The following CDYL variants were observed in gnomAD, a reference collection of about 807,000 sequenced individuals.
CDYL encodes the protein chromodomain Y-like protein.
Under a neutral mutation model 47.3 loss-of-function variants are expected in CDYL, and 8 were observed. That is an observed-to-expected ratio of 0.17 (90% CI 0.10 to 0.31). The LOEUF is 0.31. Among genes scored for constraint, CDYL ranks in the 10% least tolerant of loss-of-function variants. The pLI, the probability that CDYL is intolerant of heterozygous loss-of-function variation, is 1.00. For synonymous variants in CDYL, 266 were observed against 265.0 expected (o/e 1.00, Z -0.04); for missense variants, 471 against 701.4 (o/e 0.67, Z 3.71).
intron 5 of CDYL, among the ~76,000 whole-genome samples, chr6:4,947,108 G>A (rs575059282): frequency 6.6e-6 from 1 of 152,354 alleles, no homozygotes; most frequent in African/African-American, 2.4e-5. Context: ...GCTCCCACCT[G>A]CACCCTTGGC....
At chr6:4,805,912 G>T (rs1357360489) in intron 1 of CDYL, among the ~76,000 whole-genome samples, 1 of 152,234 alleles carries the variant, frequency 6.6e-6, no homozygotes, top group Admixed American at 6.5e-5. Flanking sequence ...ACCCATCTGG[G>T]CATCCCTTCA....
rs560308807 is a variant in CDYL at position 4,866,664 on chromosome 6, T to C, written c.25-25049T>C. 6.6e-5 allele frequency among the ~76,000 whole-genome samples: 10 copies of C among 152,186 alleles called. 1 individual carries two copies. The South Asian group carries it at 2.1e-3, about 32-fold the overall frequency. ...AAATAAATTTGCTTAAAGTCACAGT[T>C]TCCAAAAACCTATCAAAGACAGTGA... is the stretch of plus-strand genomic sequence containing the variant. On this transcript the variant is annotated intron_variant, in intron 1 of 6. Transcript: ENST00000397588.
intron 5 of CDYL, 106 bp downstream of exon 5, chr6:4,943,862 T>TACA: frequency 1.2e-6 from 1 of 810,508 alleles, no homozygotes; most frequent in Non-Finnish European, 1.9e-6. Flanking sequence ...TGTCATTCTG[T>TACA]GGGGACTTTC....
At chr6:4,892,793 G>T (rs7774082) in intron 2 of CDYL, among the ~76,000 whole-genome samples, 4,527 of 152,284 alleles carry the variant, frequency 0.03, 240 homozygotes, top group African/African-American at 0.1. Flanking sequence ...TTGCTCATCT[G>T]TGTGAATACC....
chr6:4,882,027 G>C (rs571001569), intron 1 of CDYL, among the ~76,000 whole-genome samples: 1 of 152,140 alleles, frequency 6.6e-6, no homozygotes, highest in South Asian at 2.1e-4. Flanking sequence ...TTAAGCTCAG[G>C]GTTCTGCTCC....
At position 4,867,858 on chromosome 6, in the gene CDYL, T is replaced by C. The variant is rs373757335; in HGVS notation, c.25-23855T>C. Among the ~76,000 whole-genome samples, 9 of 151,620 alleles carry C rather than the reference T, an allele frequency of 5.9e-5. No homozygotes were observed. In the East Asian group the frequency reaches 1.4e-3, roughly 23 times the overall value. ...TTGGTAACTTATAGTTTCCTAGGAA[T>C]TTTTGCATTTTGTCTAAATTGCTTA... On this transcript the variant is annotated intron_variant, in intron 1 of 6. Coordinates refer to ENST00000397588, the MANE Select transcript of CDYL (RefSeq NM_004824.4).
intron 1 of CDYL, among the ~76,000 whole-genome samples, chr6:4,806,557 C>T (rs1759376241): frequency 6.6e-6 from 1 of 152,208 alleles, no homozygotes; most frequent in African/African-American, 2.4e-5. Flanking sequence ...AGCACAGTTA[C>T]CAAAACCGGG....
At chr6:4,849,555 TA>T (rs1448544049) in intron 1 of CDYL, among the ~76,000 whole-genome samples, 2 of 151,072 alleles carry the variant, frequency 1.3e-5, no homozygotes, top group African/African-American at 4.8e-5. Flanking sequence ...GGGAAAGTGT[TA>T]AAATAAGTGC....
In CDYL at chr6:4,955,232, A is replaced by G. The variant is rs1382179225; in HGVS notation, c.*1176A>G. 1 of 152,642 alleles carries G rather than the reference A, an allele frequency of 6.6e-6. No individual in the cohort carries two copies. Among genetic ancestry groups the G allele is most frequent in the Non-Finnish European group, 1.5e-5 (1 of 68,040 alleles). The allele number at this position is 152,642 out of a possible 1,614,324, so 9.5% of individuals were successfully genotyped here. ...AGTGGGTACTGATTCCAGACTCCAG[A>G]TGCCTATTATTAGTTAGGCTTCTGA... On this transcript the variant is annotated 3_prime_UTR_variant, in exon 7 of 7. Transcript: ENST00000397588.
intron 2 of CDYL, among the ~76,000 whole-genome samples, chr6:4,900,802 T>TCTATATCTATATAG (rs1757017041): frequency 1.2e-5 from 1 of 85,462 alleles, no homozygotes; most frequent in African/African-American, 4.9e-5. Flanking sequence ...TATATATATA[T>TCTATATCTATATAG]ATATATATAT....
At chr6:4,769,689 C>G (rs1488130597) in intron 3 of CDYL, among the ~76,000 whole-genome samples, 1 of 152,236 alleles carries the variant, frequency 6.6e-6, no homozygotes, top group Non-Finnish European at 1.5e-5. Flanking sequence ...GTGCTGGGCA[C>G]TGTCTCTGGG....
At chr6:4,835,038 A>G (rs146159017) in intron 1 of CDYL, among the ~76,000 whole-genome samples, 3,419 of 152,216 alleles carry the variant, frequency 0.022, 134 homozygotes, top group African/African-American at 0.078. Flanking sequence ...TGTAGCTCGT[A>G]GTTTGATCGT....
Position 4,852,531 on chromosome 6 carries a change from CCAAT to C in CDYL, c.25-39180_25-39177del, listed in dbSNP as rs1393930686. On this transcript the variant is annotated intron_variant, in intron 1 of 6. Transcript: ENST00000397588. ...TCCTTCCAATCTTCCTTCCTTCCTT[CCAAT>C]CTTCCTTCCTTCCTTCCTTCCTTCC... is the stretch of plus-strand genomic sequence containing the variant. 2.0e-3 allele frequency among the ~76,000 whole-genome samples: 221 copies of C among 110,238 alleles called. 16 individuals carry two copies. Among genetic ancestry groups the C allele is most frequent in the African/African-American group, 5.1e-3 (109 of 21,306 alleles). 72.3% of individuals were successfully genotyped at this position (110,238 alleles called of 152,430 possible).
At chr6:4,939,884 C>T (rs1028801279) in intron 4 of CDYL, among the ~76,000 whole-genome samples, 13 of 152,164 alleles carry the variant, frequency 8.5e-5, no homozygotes, top group African/African-American at 1.7e-4. Flanking sequence ...GGTAGCTCTG[C>T]GGTCATAAGA....
intron 1 of CDYL, among the ~76,000 whole-genome samples, chr6:4,855,748 A>G (rs1016661451): frequency 6.6e-6 from 1 of 152,226 alleles, no homozygotes; most frequent in South Asian, 2.1e-4. Flanking sequence ...TAACCTGACT[A>G]TGGGCAACAC....
intron 3 of CDYL, among the ~76,000 whole-genome samples, chr6:4,738,064 T>C (rs1194378371): frequency 1.3e-5 from 2 of 152,186 alleles, no homozygotes; most frequent in Non-Finnish European, 2.9e-5. Context: ...AAATGATACA[T>C]GCAGTAATTC....
intron 2 of CDYL, among the ~76,000 whole-genome samples, chr6:4,926,940 G>T (rs1757892205): frequency 6.6e-6 from 1 of 152,172 alleles, no homozygotes; most frequent in Non-Finnish European, 1.5e-5. Context: ...CCGATTTTAT[G>T]CTTAGGAGCT....
chr6:4,816,988 C>G (rs917096429), intron 1 of CDYL, among the ~76,000 whole-genome samples: 1 of 152,182 alleles, frequency 6.6e-6, no homozygotes, highest in African/African-American at 2.4e-5. Flanking sequence ...ACACAGTTAA[C>G]AGTGTTTGTG....
chr6:4,791,958 C>G (rs971077050), intron 1 of CDYL, among the ~76,000 whole-genome samples: 2 of 150,490 alleles, frequency 1.3e-5, no homozygotes, highest in African/African-American at 4.9e-5. Context: ...TCTCAGCTCA[C>G]TGCAAGCTCC....
Sources: allele counts gnomAD v4.1 joint callset (sites outside exome capture counted in the v4.1 genomes callset), GRCh38; gene constraint gnomAD v4.1.1; transcripts MANE v1.5; gene names NCBI Gene and HGNC (gene_info 2026-07-23, HGNC 2026-07-21).